The following BNC2 variants were observed in gnomAD, a reference collection of about 807,000 sequenced individuals.
BNC2 encodes zinc finger protein basonuclin-2.
BNC2 carries 20 observed loss-of-function variants against 76.3 expected under a neutral mutation model. The observed-to-expected ratio is 0.26, with a 90% CI of 0.18 to 0.38. The LOEUF (loss-of-function observed/expected upper bound fraction) is 0.38. BNC2 is among the 10% of genes least tolerant of loss of function. The pLI is 1.00. For missense variants in BNC2, 1,382 were observed against 1,399.8 expected (o/e 0.99, Z 0.20); for synonymous variants, 582 against 514.8 (o/e 1.13, Z -1.77).
At chr9:16,775,711 C>T in intron 1 of BNC2, 1 of 222,462 alleles carries the variant, frequency 4.5e-6, no homozygotes. Flanking sequence ...TGGATACTTG[C>T]TGGAGGGGTG....
chr9:16,447,816 C>T (rs899057936), intron 5 of BNC2, among the ~76,000 whole-genome samples: 16 of 151,988 alleles, frequency 1.1e-4, no homozygotes, highest in Admixed American at 2.0e-4. Flanking sequence ...ATCAAAAAAA[C>T]TATGTAAACA....
Position 16,418,872 on chromosome 9 carries a change from TGCAC to T in BNC2, c.*113_*116del, listed in dbSNP as rs1459696350. On this transcript the variant is annotated 3_prime_UTR_variant, in exon 7 of 7. Coordinates refer to ENST00000380672, the MANE Select transcript of BNC2 (RefSeq NM_017637.6). ...TATGTAGCCACAGAGCATACATAAATGCACACACACACACACACACACACACACC... is the reference window on the plus strand; with the variant it reads ...TATGTAGCCACAGAGCATACATAAATACACACACACACACACACACACACC... 3 of 519,448 alleles carry T rather than the reference TGCAC, an allele frequency of 5.8e-6. No homozygotes were observed. In the African/African-American group the frequency reaches 1.9e-4, roughly 32 times the overall value. 32.2% of individuals were successfully genotyped at this position (519,448 alleles called of 1,614,324 possible). A position where few individuals can be genotyped will look rare whatever the true frequency, so the allele number is the denominator to read the frequency against.
At position 16,414,728 on chromosome 9, in the gene BNC2, C is replaced by T. The variant is rs1033176803; in HGVS notation, c.*4261G>A. The T allele has an allele frequency of 6.6e-6, 1 of 152,186 alleles. No homozygotes were observed. Among genetic ancestry groups the T allele is most frequent in the Non-Finnish European group, 1.5e-5 (1 of 68,072 alleles). 9.4% of individuals were successfully genotyped at this position (152,186 alleles called of 1,614,324 possible). On this transcript the variant is annotated 3_prime_UTR_variant, in exon 7 of 7. Transcript: ENST00000380672. Reference sequence around the variant, plus strand: ...AGCTGTCAGCAGTTAGCAGCATGTCCATCTCAATCTGGTGACTAGCTTCTT... The same window carrying T: ...AGCTGTCAGCAGTTAGCAGCATGTCTATCTCAATCTGGTGACTAGCTTCTT...
chr9:16,780,111 C>T (rs1276283694), intron 1 of BNC2, among the ~76,000 whole-genome samples: 1 of 151,274 alleles, frequency 6.6e-6, no homozygotes. Flanking sequence ...TGGCGGGTGC[C>T]TGTAGTCCCA....
intron 3 of BNC2, among the ~76,000 whole-genome samples, chr9:16,706,243 C>T (rs1823669378): frequency 6.6e-6 from 1 of 152,184 alleles, no homozygotes; most frequent in African/African-American, 2.4e-5. Flanking sequence ...GGATGTCTTC[C>T]AGATTGTCTT....
chr9:16,608,362 T>C (rs1163191686), intron 3 of BNC2, among the ~76,000 whole-genome samples: 2 of 152,136 alleles, frequency 1.3e-5, no homozygotes, highest in African/African-American at 2.4e-5. Context: ...CCTCCCTCTG[T>C]CTCTGTACAG....
intron 3 of BNC2, among the ~76,000 whole-genome samples, chr9:16,675,513 C>T (rs1171749937): frequency 6.6e-6 from 1 of 152,104 alleles, no homozygotes; most frequent in Non-Finnish European, 1.5e-5. Context: ...GCCCACCTCG[C>T]CCACCTTCCA....
At chr9:16,853,607 C>T (rs1328515429) in intron 1 of BNC2, among the ~76,000 whole-genome samples, 1 of 152,130 alleles carries the variant, frequency 6.6e-6, no homozygotes, top group East Asian at 1.9e-4. Flanking sequence ...TGGCTCGCGC[C>T]TGCAATCCCA....
chr9:16,441,095 G>A (rs1198164133), intron 5 of BNC2, among the ~76,000 whole-genome samples: 2 of 152,250 alleles, frequency 1.3e-5, no homozygotes, highest in Non-Finnish European at 1.5e-5. Flanking sequence ...GAAGGCCAAG[G>A]TGGAAGATGG....
chr9:16,792,623 A>G (rs12553314), intron 1 of BNC2, among the ~76,000 whole-genome samples: 15,951 of 152,248 alleles, frequency 0.1, 2,205 homozygotes, highest in African/African-American at 0.31. Context: ...AATTCCTTCA[A>G]TTCTAGTGAG....
intron 5 of BNC2, among the ~76,000 whole-genome samples, chr9:16,498,739 A>C (rs943493705): frequency 5.3e-5 from 8 of 151,974 alleles, no homozygotes; most frequent in African/African-American, 9.7e-5. Context: ...TCTGTCTCCT[A>C]CCTTAATTTA....
At chr9:16,755,684 C>T (rs1472968654) in intron 1 of BNC2, among the ~76,000 whole-genome samples, 1 of 152,038 alleles carries the variant, frequency 6.6e-6, no homozygotes, top group Admixed American at 6.6e-5. Context: ...CTGTCATTTC[C>T]GGGGCAGTGT....
At chr9:16,500,336 A>C (rs1473126168) in intron 5 of BNC2, among the ~76,000 whole-genome samples, 1 of 152,094 alleles carries the variant, frequency 6.6e-6, no homozygotes, top group Non-Finnish European at 1.5e-5. Flanking sequence ...ACTTCTTGCC[A>C]ACTCCTGCAT....
At chr9:16,632,442 C>T (rs1169842041) in intron 3 of BNC2, among the ~76,000 whole-genome samples, 1 of 151,472 alleles carries the variant, frequency 6.6e-6, no homozygotes, top group Non-Finnish European at 1.5e-5. Context: ...AAAAAAAAAT[C>T]TGTGTATGTA....
chr9:16,433,922 T>C (rs1037920543), intron 6 of BNC2, among the ~76,000 whole-genome samples: 10 of 152,210 alleles, frequency 6.6e-5, no homozygotes, highest in African/African-American at 2.2e-4. Flanking sequence ...TTATTAGTAG[T>C]GTACTATCTC....
At chr9:16,444,381 G>C (rs1429200750) in intron 5 of BNC2, among the ~76,000 whole-genome samples, 1 of 152,150 alleles carries the variant, frequency 6.6e-6, no homozygotes, top group Non-Finnish European at 1.5e-5. Flanking sequence ...TAGCAGGTAT[G>C]TGCTATGCAC....
At chr9:16,718,989 T>TG (rs1360337750) in intron 3 of BNC2, among the ~76,000 whole-genome samples, 1 of 152,166 alleles carries the variant, frequency 6.6e-6, no homozygotes, top group Non-Finnish European at 1.5e-5. Flanking sequence ...CAGCCAGACT[T>TG]TGGTTTTGGT....
intron 1 of BNC2, among the ~76,000 whole-genome samples, chr9:16,850,865 A>C (rs1391110840): frequency 1.3e-5 from 2 of 152,218 alleles, no homozygotes; most frequent in Non-Finnish European, 2.9e-5. Flanking sequence ...AAGTAAGTTA[A>C]CACCAAAAGA....
At chr9:16,775,138 C>T (rs1289238424) in intron 1 of BNC2, among the ~76,000 whole-genome samples, 4 of 152,180 alleles carry the variant, frequency 2.6e-5, no homozygotes, top group Non-Finnish European at 4.4e-5. Flanking sequence ...CTGACCACTA[C>T]AGAATCAAAA....
Sources: allele counts gnomAD v4.1 joint callset (sites outside exome capture counted in the v4.1 genomes callset), GRCh38; gene constraint gnomAD v4.1.1; transcripts MANE v1.5; gene names NCBI Gene and HGNC (gene_info 2026-07-23, HGNC 2026-07-21).